The following SORL1 variants were observed in gnomAD, a reference collection of about 807,000 sequenced individuals.
SORL1 encodes the protein sortilin-related receptor.
Under a neutral mutation model 273.7 loss-of-function variants are expected in SORL1, and 127 were observed. The ratio of observed to expected loss-of-function variants is 0.46; its 90% CI spans 0.40 to 0.54. The LOEUF is 0.54. Ranked by LOEUF, SORL1 falls within the 20% of genes least tolerant of loss-of-function variation. The pLI is 0.00. For synonymous variants in SORL1, 1,031 were observed against 1,067.4 expected, an observed-to-expected ratio of 0.97 and a Z score of 0.66; for missense variants, 2,494 against 2,846.1, an observed-to-expected ratio of 0.88 and a Z score of 2.81.
At chr11:121,556,097 A>G (rs747687050) in intron 18 of SORL1, among the ~76,000 whole-genome samples, 9 of 152,184 alleles carry the variant, frequency 5.9e-5, no homozygotes, top group Non-Finnish European at 1.3e-4. Context: ...TATGCTTTCT[A>G]AACTTCAGTT....
intron 21 of SORL1, among the ~76,000 whole-genome samples, chr11:121,564,427 T>C (rs1429957492): frequency 6.6e-6 from 1 of 152,204 alleles, no homozygotes; most frequent in Admixed American, 6.5e-5. Context: ...TGATACCCCA[T>C]TTTGAGTTCT....
At chr11:121,462,261 C>T (rs1861011603) in intron 1 of SORL1, among the ~76,000 whole-genome samples, 1 of 152,124 alleles carries the variant, frequency 6.6e-6, no homozygotes. Flanking sequence ...TTCTCCTGGC[C>T]ACACTGATCT....
chr11:121,584,508 T>C (rs750405165), intron 26 of SORL1, among the ~76,000 whole-genome samples: 1 of 141,114 alleles, frequency 7.1e-6, no homozygotes, highest in East Asian at 2.9e-4. Context: ...AAACACATTT[T>C]CATACTTATA....
At chr11:121,587,219 G>GTA (rs1474466970) in intron 27 of SORL1, among the ~76,000 whole-genome samples, 4 of 152,136 alleles carry the variant, frequency 2.6e-5, no homozygotes, top group Non-Finnish European at 5.9e-5. Context: ...ATATGCATAT[G>GTA]TATATATATA....
At chr11:121,498,835 CAT>C (rs1220673643) in intron 6 of SORL1, among the ~76,000 whole-genome samples, 1 of 150,546 alleles carries the variant, frequency 6.6e-6, no homozygotes, top group Non-Finnish European at 1.5e-5. Context: ...AAAATCATGC[CAT>C]TGCACTCCAA....
chr11:121,592,645 T>C (rs1863232908), intron 31 of SORL1, among the ~76,000 whole-genome samples: 1 of 152,236 alleles, frequency 6.6e-6, no homozygotes, highest in African/African-American at 2.4e-5. Flanking sequence ...TGTGTGGACT[T>C]CCTGTTTGGG....
intron 24 of SORL1, among the ~76,000 whole-genome samples, chr11:121,576,196 A>C (rs1318509205): frequency 6.6e-6 from 1 of 152,176 alleles, no homozygotes; most frequent in Non-Finnish European, 1.5e-5. Context: ...AAACAATAGT[A>C]TTTTGTTTCT....
In SORL1 at chr11:121,605,265, A is replaced by T. The variant is rs1863452035; in HGVS notation, c.4778+26A>T. 3 of 1,600,960 alleles carry T rather than the reference A, an allele frequency of 1.9e-6. No individual in the cohort carries two copies. In the South Asian group the frequency reaches 3.4e-5, roughly 18 times the overall value. ...GTAGGTCCCATCTTTGTCATGGGAGATGAAAATGATGTCTTCATTGCCCCA... is the reference window on the plus strand; with the variant it reads ...GTAGGTCCCATCTTTGTCATGGGAGTTGAAAATGATGTCTTCATTGCCCCA... On this transcript the variant is annotated intron_variant, in intron 34 of 47. Transcript: ENST00000260197.
At chr11:121,519,028 A>G (rs912951474) in intron 8 of SORL1, among the ~76,000 whole-genome samples, 3 of 148,978 alleles carry the variant, frequency 2.0e-5, no homozygotes, top group African/African-American at 5.0e-5. Context: ...GCTCACTGCA[A>G]CCTCCGCCTC....
chr11:121,490,166 A>G, intron 5 of SORL1, 56 bp downstream of exon 5: 1 of 1,252,264 alleles, frequency 8.0e-7, no homozygotes, highest in Non-Finnish European at 1.2e-6. Context: ...CTCCAGTTCT[A>G]GCTCCTTCTT....
At chr11:121,459,088 G>T (rs79302660) in intron 1 of SORL1, among the ~76,000 whole-genome samples, 2,500 of 152,298 alleles carry the variant, frequency 0.016, 65 homozygotes, top group African/African-American at 0.057. Context: ...CTGTTCAATA[G>T]ATCTTTCTGT....
rs1863276330 is a variant in SORL1 at position 121,595,332 on chromosome 11, T to C, written c.4370-291T>C. On this transcript the variant is annotated intron_variant, in intron 31 of 47. Transcript: ENST00000260197. The surrounding 1 kb of genome is among the most constrained non-coding windows in gnomAD (Gnocchi z 5.1). The stretch of plus-strand genomic sequence containing the variant: ...AGGACGCAGCCTTCGCTGGCCTCTT[T>C]AGTCACATACCGCTATCTGTCTTCT... 6.6e-6 allele frequency among the ~76,000 whole-genome samples: 1 copy of C among 152,212 alleles called. No individual in the cohort carries two copies. Among genetic ancestry groups the C allele is most frequent in the African/African-American group, 2.4e-5 (1 of 41,464 alleles).
Position 121,520,551 on chromosome 11 carries a change from C to A in SORL1, c.1212-106C>A, listed in dbSNP as rs1591309964. 40 of 704,484 alleles carry A rather than the reference C, an allele frequency of 5.7e-5. No individual in the cohort carries two copies. The South Asian group carries it at 7.9e-4, about 14-fold the overall frequency. 43.6% of individuals were successfully genotyped at this position (704,484 alleles called of 1,614,324 possible). A position where few individuals can be genotyped will look rare whatever the true frequency, so the allele number is the denominator to read the frequency against. ...ATAGTTGCACAACATTGTGAATGTG[C>A]TTAATGCCACAAAATTGTATACTTT... On this transcript the variant is annotated intron_variant, in intron 8 of 47. Transcript: ENST00000260197.
intron 2 of SORL1, among the ~76,000 whole-genome samples, chr11:121,471,020 G>A (rs540308793): frequency 5.3e-5 from 8 of 152,226 alleles, no homozygotes; most frequent in African/African-American, 1.9e-4. Flanking sequence ...AGAGAAATAT[G>A]GTTTCTCCCA....
intron 46 of SORL1, among the ~76,000 whole-genome samples, chr11:121,625,726 T>C (rs927181813): frequency 1.3e-5 from 2 of 152,164 alleles, no homozygotes; most frequent in Admixed American, 6.5e-5. Context: ...ATCTTAGCTC[T>C]CAGCATAAGC....
intron 11 of SORL1, among the ~76,000 whole-genome samples, chr11:121,528,907 T>C (rs1862161711): frequency 6.6e-6 from 1 of 152,218 alleles, no homozygotes; most frequent in South Asian, 2.1e-4. Context: ...TGTTCAGATC[T>C]TTTGTGTTCA....
intron 11 of SORL1, among the ~76,000 whole-genome samples, chr11:121,526,088 G>C (rs902159672): frequency 6.6e-5 from 10 of 152,126 alleles, no homozygotes; most frequent in Non-Finnish European, 1.3e-4. Context: ...TATCTTCTTT[G>C]AGTTGTAGGA....
In SORL1 at chr11:121,550,495, G is replaced by A; in HGVS notation, c.2181-90G>A. On this transcript the variant is annotated intron_variant, in intron 15 of 47. Coordinates refer to ENST00000260197, the MANE Select transcript of SORL1 (RefSeq NM_003105.6). This position sits in a 1 kb window ranked among gnomAD's most constrained non-coding sequence, Gnocchi z 5.3. ...AGAAATGAGTGGATGGACTCTACTG[G>A]CCGTGGGTAGTAAGTGTATTCCCAG... The A allele has an allele frequency of 9.6e-7, 1 of 1,036,278 alleles. No individual in the cohort carries two copies. The highest frequency in any genetic ancestry group is 1.5e-6 in the Non-Finnish European group (1 of 664,536). 64.2% of individuals were successfully genotyped at this position (1,036,278 alleles called of 1,614,324 possible). A position where few individuals can be genotyped will look rare whatever the true frequency, so the allele number is the denominator to read the frequency against.
Position 121,554,030 on chromosome 11 carries a change from T to C in SORL1, c.2360T>C (p.Leu787Pro), listed in dbSNP as rs775156976. Residue 787 changes from leucine (L) to proline (P), a missense_variant, in exon 17 of 48, where the codon CTA (leucine) becomes CCA (proline). Around this residue, in one of 3 missense-constraint regions of SORL1, gnomAD observed 710 missense variants for 882.5 expected, o/e 0.80. Transcript: ENST00000260197. This position sits in a 1 kb window ranked among gnomAD's most constrained non-coding sequence, Gnocchi z 4.6. ...GATEQLPLTGLRAAVALDFDY... is the reference protein window; with the variant it reads ...GATEQLPLTGPRAAVALDFDY... Reference sequence around the variant, plus strand: ...ACCGAGCAGTTGCCTCTCACCGGGCTACGGGCAGCAGTGGCCCTGGACTTT... The same window carrying C: ...ACCGAGCAGTTGCCTCTCACCGGGCCACGGGCAGCAGTGGCCCTGGACTTT... The C allele has an allele frequency of 6.2e-7, 1 of 1,614,100 alleles. No individual in the cohort carries two copies. The highest frequency in any genetic ancestry group is 1.3e-5 in the African/African-American group (1 of 74,950).
Sources: gnomAD v4.1 joint callset for allele counts (sites outside exome capture counted in the v4.1 genomes callset) on GRCh38, gnomAD v4.1.1 for gene constraint, gnomAD v4.1.1 regional missense constraint, Gnocchi (gnomAD v3.1) non-coding constraint, MANE v1.5 for transcripts, NCBI Gene and HGNC (gene_info 2026-07-23, HGNC 2026-07-21) for gene names.